DCDC1: variants seen among roughly 807,000 people sequenced by gnomAD.
The protein encoded by DCDC1 is doublecortin domain containing 1.
DCDC1 carries 200 observed loss-of-function variants against 178.3 expected under a neutral mutation model. The ratio of observed to expected loss-of-function variants is 1.12; its 90% CI spans 1.00 to 1.26. The LOEUF is 1.26. DCDC1 is among the 50% of genes most tolerant of loss of function. The pLI, the probability that DCDC1 is intolerant of heterozygous loss-of-function variation, is 0.00. For synonymous variants in DCDC1, 690 were observed against 604.8 expected, an observed-to-expected ratio of 1.14 and a Z score of -2.07; for missense variants, 1,983 against 1,749.2, an observed-to-expected ratio of 1.13 and a Z score of -2.38.
At chr11:31,088,561 AT>A (rs1957612585) in intron 17 of DCDC1, among the ~76,000 whole-genome samples, 1 of 152,184 alleles carries the variant, frequency 6.6e-6, no homozygotes, top group Non-Finnish European at 1.5e-5. Context: ...GTATAAAAAA[AT>A]CTTTCTTCCA....
At chr11:31,334,685 C>A (rs182425842) in intron 2 of DCDC1, among the ~76,000 whole-genome samples, 26 of 152,242 alleles carry the variant, frequency 1.7e-4, no homozygotes, top group Admixed American at 1.6e-3. Context: ...CACTCCAGAC[C>A]ATGTTTGCCT....
intron 9 of DCDC1, among the ~76,000 whole-genome samples, chr11:31,153,952 C>G (rs1235892751): frequency 6.6e-6 from 1 of 152,142 alleles, no homozygotes; most frequent in Non-Finnish European, 1.5e-5. Flanking sequence ...TGTGTCCACA[C>G]CCAAATCCCA....
Position 31,202,990 on chromosome 11 carries a change from T to A in DCDC1, c.1221+38460A>T, listed in dbSNP as rs544548468. ...TTCCAACGTGCATTAAAAGGCTGGG[T>A]TCTGGACTCCCTGGGAGGCAAGCAA... On this transcript the variant is annotated intron_variant, in intron 9 of 38. Transcript: ENST00000684477. 2.6e-5 allele frequency among the ~76,000 whole-genome samples: 4 copies of A among 152,290 alleles called. No individual in the cohort carries two copies. In the East Asian group the frequency reaches 7.7e-4, roughly 29 times the overall value.
intron 30 of DCDC1, among the ~76,000 whole-genome samples, chr11:30,905,948 C>T (rs754285753): frequency 2.0e-5 from 3 of 152,148 alleles, no homozygotes. Context: ...TTAGGAATCG[C>T]TCCTTTTTAT....
rs546230323 is a variant in DCDC1, at chr11:30,941,763, A to G, written c.2716-9811T>C. ...GTAAATAAATTATAAACAAAATCTGAAAACTGTGAAGATTACTGAAAAAGC... is the reference window on the plus strand; with the variant it reads ...GTAAATAAATTATAAACAAAATCTGGAAACTGTGAAGATTACTGAAAAAGC... On this transcript the variant is annotated intron_variant, in intron 21 of 38. Coordinates refer to ENST00000684477, the MANE Select transcript of DCDC1 (RefSeq NM_001387274.1). Among the ~76,000 whole-genome samples the G allele has an allele frequency of 1.4e-4, 22 of 152,296 alleles. No homozygotes were observed. The South Asian group carries it at 2.7e-3, about 19-fold the overall frequency.
intron 1 of DCDC1, among the ~76,000 whole-genome samples, chr11:31,367,674 A>G (rs749275654): frequency 6.6e-6 from 1 of 152,232 alleles, no homozygotes; most frequent in Non-Finnish European, 1.5e-5. Flanking sequence ...GGCACAATAC[A>G]TACCAGCTTT....
chr11:31,032,331 G>T (rs1953705347), intron 20 of DCDC1, among the ~76,000 whole-genome samples: 1 of 152,066 alleles, frequency 6.6e-6, no homozygotes, highest in Non-Finnish European at 1.5e-5. Context: ...ATGTGACATG[G>T]TATATTTTAA....
intron 20 of DCDC1, among the ~76,000 whole-genome samples, chr11:30,989,802 G>A (rs1388191430): frequency 6.6e-6 from 1 of 152,054 alleles, no homozygotes; most frequent in Non-Finnish European, 1.5e-5. Flanking sequence ...GAATGCTGTG[G>A]GATGCCAAAA....
intron 20 of DCDC1, among the ~76,000 whole-genome samples, chr11:30,997,811 A>ATGTG (rs150426755): frequency 5.8e-4 from 87 of 149,048 alleles, no homozygotes; most frequent in South Asian, 4.0e-3. Context: ...CATAGTGTGT[A>ATGTG]TGTGTGTGTG....
intron 10 of DCDC1, among the ~76,000 whole-genome samples, chr11:31,131,430 G>A (rs1158822247): frequency 6.6e-6 from 1 of 152,066 alleles, no homozygotes; most frequent in Non-Finnish European, 1.5e-5. Flanking sequence ...AATTCTACAA[G>A]AAAGTTGTAA....
At chr11:30,906,081 G>A (rs181913781) in intron 30 of DCDC1, among the ~76,000 whole-genome samples, 14 of 152,124 alleles carry the variant, frequency 9.2e-5, no homozygotes, top group East Asian at 7.7e-4. Context: ...TTGTTCCTCC[G>A]TGAACTCTAA....
chr11:30,869,741 G>C (rs564756466), intron 38 of DCDC1, among the ~76,000 whole-genome samples: 2 of 152,226 alleles, frequency 1.3e-5, no homozygotes, highest in East Asian at 3.9e-4. Context: ...GTTTAGCATG[G>C]GTGGAGTGCA....
intron 7 of DCDC1, chr11:31,280,994 T>C: frequency 1.7e-6 from 1 of 598,788 alleles, no homozygotes. Flanking sequence ...CCATATTTAA[T>C]TCCCTTTTTC....
At chr11:31,152,702 T>G (rs958777019) in intron 9 of DCDC1, among the ~76,000 whole-genome samples, 1 of 152,218 alleles carries the variant, frequency 6.6e-6, no homozygotes, top group Non-Finnish European at 1.5e-5. Context: ...TCTTGTGGTG[T>G]GCTTACACCT....
rs374434666 is a variant in DCDC1, at chr11:31,323,221, G to A, written c.164+4896C>T. Among the ~76,000 whole-genome samples, 40 of 152,122 alleles carry A rather than the reference G, an allele frequency of 2.6e-4. No homozygotes were observed. The East Asian group carries it at 3.9e-3, about 15-fold the overall frequency. On this transcript the variant is annotated intron_variant, in intron 3 of 38. Transcript: ENST00000684477. ...AATTCTATTCTTAAGCAGGAAACGCGGCTACTTTGACAGACCCTGGCTCAA... is the reference window on the plus strand; with the variant it reads ...AATTCTATTCTTAAGCAGGAAACGCAGCTACTTTGACAGACCCTGGCTCAA...
intron 8 of DCDC1, among the ~76,000 whole-genome samples, chr11:31,247,660 C>T (rs1166319787): frequency 6.6e-6 from 1 of 151,938 alleles, no homozygotes. Context: ...CGCTTTATGC[C>T]TCTTTCTACT....
At chr11:31,227,266 G>T (rs572473426) in intron 9 of DCDC1, among the ~76,000 whole-genome samples, 1 of 152,228 alleles carries the variant, frequency 6.6e-6, no homozygotes, top group Admixed American at 6.6e-5. Context: ...TCTGGTGAGG[G>T]CCTTTGGAAG....
At chr11:30,868,643 C>CA (rs1415809243) in intron 38 of DCDC1, among the ~76,000 whole-genome samples, 1 of 152,126 alleles carries the variant, frequency 6.6e-6, no homozygotes, top group Non-Finnish European at 1.5e-5. Flanking sequence ...TCAGAGTAGA[C>CA]AGAGGATGTG....
chr11:31,025,061 T>C (rs1268586951), intron 20 of DCDC1, among the ~76,000 whole-genome samples: 1 of 151,862 alleles, frequency 6.6e-6, no homozygotes, highest in African/African-American at 2.4e-5. Context: ...ATTCTGAGTA[T>C]GAATTATGTT....
Sources: gnomAD v4.1 joint callset for allele counts (sites outside exome capture counted in the v4.1 genomes callset) on GRCh38, gnomAD v4.1.1 for gene constraint, MANE v1.5 for transcripts, NCBI Gene and HGNC (gene_info 2026-07-23, HGNC 2026-07-21) for gene names.